The following NBPF15 variants were observed in gnomAD, a reference collection of about 807,000 sequenced individuals.
The protein encoded by NBPF15 is NBPF member 15.
A neutral mutation model predicts 62.2 loss-of-function variants in NBPF15; 74 were observed. The ratio of observed to expected loss-of-function variants is 1.19; its 90% CI spans 0.99 to 1.44. The LOEUF is 1.44. Ranked by LOEUF, NBPF15 falls within the 40% of genes most tolerant of loss-of-function variation. The probability of loss-of-function intolerance (pLI) is 0.00; values close to 1 mark genes in which losing one functional copy is unlikely to be tolerated. For missense variants in NBPF15, 790 were observed against 550.0 expected (o/e 1.44, Z -4.36); for synonymous variants, 244 against 209.7 (o/e 1.16, Z -1.41).
rs2101590858 is a variant in NBPF15, at chr1:144,424,719, T to G, written c.1634A>C (p.Lys545Thr). 3.3e-6 allele frequency: 2 copies of G among 612,072 alleles called. No homozygotes were observed. Among genetic ancestry groups the G allele is most frequent in the East Asian group, 5.4e-5 (2 of 36,712 alleles). 37.9% of individuals were successfully genotyped at this position (612,072 alleles called of 1,614,324 possible). Reference sequence around the variant, plus strand: ...CACGTCAAGAGAAAAGCCAACATGTTTTTCCTCCAATGCATAAAAGGAACT... The same window carrying G: ...CACGTCAAGAGAAAAGCCAACATGTGTTTCCTCCAATGCATAAAAGGAACT... ...YGSSFYALEE[K>T]HVGFSLDVGE... Residue 545 changes from lysine to threonine, a missense_variant, in exon 20 of 22, where the codon AAA becomes ACA. Physicochemically the swap from Lys to Thr is moderately conservative, Grantham distance 78. Transcript: ENST00000581897.
Position 144,423,855 on chromosome 1 carries a change from A to G in NBPF15, c.1769+15T>C. Reference sequence around the variant, plus strand: ...GTTAACACAGAATTAAGCATCCACAATTGCTGAAAGTTACCTGGGGCATGG... The same window carrying G: ...GTTAACACAGAATTAAGCATCCACAGTTGCTGAAAGTTACCTGGGGCATGG... On this transcript the variant is annotated intron_variant, in intron 21 of 21. Transcript: ENST00000581897. The G allele has an allele frequency of 2.6e-6, 2 of 764,356 alleles. No individual in the cohort carries two copies. The highest frequency in any genetic ancestry group is 2.4e-5 in the East Asian group (1 of 41,200). 47.3% of individuals were successfully genotyped at this position (764,356 alleles called of 1,614,324 possible).
At chr1:144,452,542 G>A (rs1349151464) in intron 4 of NBPF15, among the ~76,000 whole-genome samples, 1 of 151,414 alleles carries the variant, frequency 6.6e-6, no homozygotes, top group Non-Finnish European at 1.5e-5. Context: ...AGGTTCAAGG[G>A]AATTTGGGAA....
At position 144,437,117 on chromosome 1, in the gene NBPF15, G is replaced by A; in HGVS notation, c.279-8C>T. The A allele has an allele frequency of 6.3e-7, 1 of 1,594,464 alleles. No individual in the cohort carries two copies. Among genetic ancestry groups the A allele is most frequent in the Non-Finnish European group, 8.6e-7 (1 of 1,164,026 alleles). ...ACCAGGACTTTATATTGCCTAAGGT[G>A]AGACGGTAGAGAAAATTTAAGAGTG... On this transcript the variant is annotated splice_polypyrimidine_tract_variant and splice_region_variant and intron_variant, in intron 9 of 21. Transcript: ENST00000581897.
chr1:144,423,388 A>G, intron 21 of NBPF15, 132 bp from the exon 22 acceptor site: 11 of 1,576,848 alleles, frequency 7.0e-6, no homozygotes, highest in East Asian at 2.2e-5. Flanking sequence ...AGGTAAAAAA[A>G]AAAAATTTAT....
chr1:144,446,449 G>C (rs1255900356), intron 6 of NBPF15, among the ~76,000 whole-genome samples: 5 of 152,308 alleles, frequency 3.3e-5, no homozygotes, highest in African/African-American at 9.6e-5. Flanking sequence ...TAGAGCTCTA[G>C]TATAATGCTG....
chr1:144,438,574 A>C lies in NBPF15; in HGVS notation c.176-527T>G, dbSNP rs1179019993. Among the ~76,000 whole-genome samples, 3 of 152,182 alleles carry C rather than the reference A, an allele frequency of 2.0e-5. No individual in the cohort carries two copies. In the South Asian group the frequency reaches 6.2e-4, roughly 32 times the overall value. The stretch of plus-strand genomic sequence containing the variant: ...ATATCTGAAGCATAAAGAGTGACAC[A>C]TAACACCATAAGGCCATGAAGGAAA... On this transcript the variant is annotated intron_variant, in intron 8 of 21. Coordinates refer to ENST00000581897, the MANE Select transcript of NBPF15 (RefSeq NM_001385408.1).
chr1:144,423,652 G>C (rs1360122577), intron 21 of NBPF15, among the ~76,000 whole-genome samples: 1 of 152,044 alleles, frequency 6.6e-6, no homozygotes, highest in African/African-American at 2.4e-5. Context: ...TCAGAGTACA[G>C]CTTTTGAAGT....
chr1:144,426,653 A>G (rs113496181), intron 17 of NBPF15, among the ~76,000 whole-genome samples: 15 of 150,830 alleles, frequency 9.9e-5, no homozygotes, highest in Admixed American at 2.6e-4. Context: ...GGAGAGGGAG[A>G]GAGAGAGAGA....
intron 21 of NBPF15, 40 bp from the exon 22 acceptor site, chr1:144,423,296 A>G (rs1178702564): frequency 4.3e-6 from 7 of 1,611,558 alleles, no homozygotes; most frequent in Admixed American, 1.7e-5. Flanking sequence ...GCCAGGGAAA[A>G]TCAGACACCA....
At chr1:144,425,053 C>T in intron 19 of NBPF15, among the ~76,000 whole-genome samples, 191 bp from the exon 20 acceptor site, 1 of 111,744 alleles carries the variant, frequency 8.9e-6, no homozygotes, top group Non-Finnish European at 1.8e-5. Flanking sequence ...AAGAGAAAGA[C>T]AGATAGACAC....
chr1:144,453,753 T>C (rs1332644139), intron 4 of NBPF15, among the ~76,000 whole-genome samples: 12 of 146,058 alleles, frequency 8.2e-5, no homozygotes, highest in Non-Finnish European at 1.3e-4. Context: ...GTGAGGGAAT[T>C]GCACATTAAA....
At chr1:144,443,976 T>C (rs1553543375) in intron 6 of NBPF15, among the ~76,000 whole-genome samples, 2 of 151,760 alleles carry the variant, frequency 1.3e-5, no homozygotes, top group Admixed American at 1.3e-4. Context: ...TTTAACCATT[T>C]TCTATAAATG....
intron 9 of NBPF15, among the ~76,000 whole-genome samples, chr1:144,437,383 A>G (rs1679284646): frequency 6.7e-6 from 1 of 149,652 alleles, no homozygotes; most frequent in South Asian, 2.2e-4. Flanking sequence ...ATTCCGTTTC[A>G]AAAAGACATC....
intron 21 of NBPF15, 148 bp from the exon 22 acceptor site, chr1:144,423,404 T>A: frequency 2.0e-6 from 3 of 1,535,558 alleles, no homozygotes; most frequent in Non-Finnish European, 2.6e-6. Context: ...TTTATTGCCT[T>A]TATGTTGGGA....
At chr1:144,433,362 A>G (rs1207307501) in intron 13 of NBPF15, among the ~76,000 whole-genome samples, 3 of 152,082 alleles carry the variant, frequency 2.0e-5, no homozygotes, top group Non-Finnish European at 4.4e-5. Flanking sequence ...AAGATCTAAA[A>G]TTGACATCCT....
chr1:144,444,296 T>C (rs1685665632), intron 6 of NBPF15, among the ~76,000 whole-genome samples: 1 of 149,306 alleles, frequency 6.7e-6, no homozygotes, highest in African/African-American at 2.5e-5. Context: ...GCCAGTGCCC[T>C]TATACAAAGG....
In NBPF15 at chr1:144,422,992, T is replaced by C. The variant is rs781863217; in HGVS notation, c.*21A>G. ...AGGTCCTGCCTGCAGGAATGACATCTCTCGGCTTAGTAAGAGCTGCTTATT... is the reference window on the plus strand; with the variant it reads ...AGGTCCTGCCTGCAGGAATGACATCCCTCGGCTTAGTAAGAGCTGCTTATT... On this transcript the variant is annotated 3_prime_UTR_variant, in exon 22 of 22. Coordinates refer to ENST00000581897, the MANE Select transcript of NBPF15 (RefSeq NM_001385408.1). 1.9e-6 allele frequency: 3 copies of C among 1,611,616 alleles called. No individual in the cohort carries two copies. The highest frequency in any genetic ancestry group is 2.5e-6 in the Non-Finnish European group (3 of 1,179,608).
intron 14 of NBPF15, among the ~76,000 whole-genome samples, chr1:144,429,096 G>C (rs1408869213): frequency 6.6e-6 from 1 of 151,884 alleles, no homozygotes; most frequent in Non-Finnish European, 1.5e-5. Context: ...ATGAAACTTG[G>C]TTCTACACAG....
chr1:144,423,948 T>G lies in NBPF15; in HGVS notation c.1691A>C (p.Lys564Thr), dbSNP rs1553538773. The stretch of plus-strand genomic sequence containing the variant: ...CTTCTTTGATCTTCTTCCCCTTCTT[T>G]TCTTCCCCTTCCCCTTCTTTTCAAT... ...GEIEKKGKGK[K>T]RRGRRSKKKR... Residue 564 changes from lysine (K) to threonine (T), a missense_variant, in exon 21 of 22, where the codon AAA becomes ACA. Coordinates refer to ENST00000581897, the MANE Select transcript of NBPF15 (RefSeq NM_001385408.1). 1.0e-5 allele frequency: 8 copies of G among 774,856 alleles called. No homozygotes were observed. The Admixed American group carries it at 1.2e-4, about 12-fold the overall frequency. The allele number at this position is 774,856 out of a possible 1,614,324, so 48.0% of individuals were successfully genotyped here.
Sources: allele counts gnomAD v4.1 joint callset (sites outside exome capture counted in the v4.1 genomes callset), GRCh38; gene constraint gnomAD v4.1.1; transcripts MANE v1.5; gene names NCBI Gene and HGNC (gene_info 2026-07-23, HGNC 2026-07-21).